CELF2: variants seen among roughly 807,000 people sequenced by gnomAD.
CELF2 encodes the protein CUG triplet repeat RNA-binding protein 2.
CELF2 carries 8 observed loss-of-function variants against 62.6 expected under a neutral mutation model. The ratio of observed to expected loss-of-function variants is 0.13; its 90% CI spans 0.07 to 0.23. CELF2 has a LOEUF of 0.23. Ranked by LOEUF, CELF2 falls within the 10% of genes least tolerant of loss-of-function variation. The pLI, the probability that CELF2 is intolerant of heterozygous loss-of-function variation, is 1.00. For missense variants in CELF2, 333 were observed against 671.0 expected (o/e 0.50, Z 5.56); for synonymous variants, 258 against 250.0 (o/e 1.03, Z -0.30).
the CELF2 span, among the ~76,000 whole-genome samples, chr10:10,650,621 A>G: frequency 6.6e-6 from 1 of 152,374 alleles, no homozygotes; most frequent in Non-Finnish European, 1.5e-5. Flanking sequence ...TAGCACTGCA[A>G]TGAGATACAA....
the CELF2 span, among the ~76,000 whole-genome samples, chr10:10,765,035 A>T: frequency 5.9e-5 from 9 of 152,282 alleles, no homozygotes; most frequent in Admixed American, 3.9e-4. Context: ...GAGCCAACAC[A>T]AGGGCAGGCT....
At chr10:10,573,169 A>G in the CELF2 span, among the ~76,000 whole-genome samples, 21 of 152,266 alleles carry the variant, frequency 1.4e-4, no homozygotes, top group East Asian at 4.0e-3. Flanking sequence ...GTGTAGGTTC[A>G]TGTCCTTTGC....
the CELF2 span, among the ~76,000 whole-genome samples, chr10:10,740,959 G>C: frequency 3.3e-5 from 5 of 152,096 alleles, no homozygotes; most frequent in African/African-American, 1.2e-4. Context: ...CTGGTCACAA[G>C]GTACAAATGT....
chr10:10,592,553 C>T, the CELF2 span, among the ~76,000 whole-genome samples: 1 of 152,128 alleles, frequency 6.6e-6, no homozygotes, highest in South Asian at 2.1e-4. Flanking sequence ...CTTCCTTTGA[C>T]TAAAAGTCAT....
chr10:11,275,248 C>T (rs2085583385), intron 8 of CELF2, 128 bp downstream of exon 8: 1 of 1,006,522 alleles, frequency 9.9e-7, no homozygotes. Flanking sequence ...AGCTTTCTGT[C>T]TTTGGTGTTA....
the CELF2 span, among the ~76,000 whole-genome samples, chr10:10,550,710 T>A: frequency 6.6e-6 from 1 of 152,030 alleles, no homozygotes; most frequent in African/African-American, 2.4e-5. Context: ...TCTTTTTTTT[T>A]TTTTTGAGAT....
At chr10:10,773,143 T>C in the CELF2 span, among the ~76,000 whole-genome samples, 9 of 152,144 alleles carry the variant, frequency 5.9e-5, no homozygotes, top group African/African-American at 2.2e-4. Context: ...AACACAAATA[T>C]GGTGTTGATT....
At chr10:11,229,051 T>A (rs184967842) in intron 3 of CELF2, among the ~76,000 whole-genome samples, 135 of 152,204 alleles carry the variant, frequency 8.9e-4, no homozygotes, top group African/African-American at 3.1e-3. Flanking sequence ...AGCTCCTCAC[T>A]TGATAGATGA....
At chr10:10,777,419 T>C in the CELF2 span, among the ~76,000 whole-genome samples, 1 of 152,212 alleles carries the variant, frequency 6.6e-6, no homozygotes, top group Non-Finnish European at 1.5e-5. Context: ...CAATCACATG[T>C]AACAAGCTGT....
At chr10:10,544,829 G>T in the CELF2 span, among the ~76,000 whole-genome samples, 1 of 152,168 alleles carries the variant, frequency 6.6e-6, no homozygotes, top group African/African-American at 2.4e-5. Flanking sequence ...GAACTGAATA[G>T]CCATCGAACA....
chr10:10,735,981 C>G, the CELF2 span, among the ~76,000 whole-genome samples: 2,474 of 152,270 alleles, frequency 0.016, 26 homozygotes, highest in Non-Finnish European at 0.024. Context: ...TCACCCTGCA[C>G]TAACTCGATG....
At chr10:11,168,579 G>A (rs1216885091) in intron 2 of CELF2, among the ~76,000 whole-genome samples, 1 of 152,226 alleles carries the variant, frequency 6.6e-6, no homozygotes, top group Non-Finnish European at 1.5e-5. Flanking sequence ...TCACAGGGCT[G>A]ATATCAGAGC....
At chr10:11,031,378 C>G (rs1285156748) in intron 1 of CELF2, among the ~76,000 whole-genome samples, 1 of 152,214 alleles carries the variant, frequency 6.6e-6, no homozygotes, top group Non-Finnish European at 1.5e-5. Flanking sequence ...ATTACACTTT[C>G]AGCCACTCCA....
At chr10:10,967,726 A>C (rs1592531539) in intron 2 of CELF2, among the ~76,000 whole-genome samples, 1 of 151,954 alleles carries the variant, frequency 6.6e-6, no homozygotes, top group African/African-American at 2.4e-5. Context: ...TCCCAGTGGG[A>C]AGCAAGACCT....
At chr10:11,065,535 C>T (rs923060326) in intron 1 of CELF2, among the ~76,000 whole-genome samples, 23 of 151,976 alleles carry the variant, frequency 1.5e-4, no homozygotes, top group African/African-American at 4.6e-4. Flanking sequence ...GAGCTCCAGT[C>T]GTTGTTTGTG....
At chr10:11,185,096 T>C (rs904129183) in intron 2 of CELF2, among the ~76,000 whole-genome samples, 1 of 152,242 alleles carries the variant, frequency 6.6e-6, no homozygotes, top group Admixed American at 6.5e-5. Context: ...ATTAGATTTT[T>C]TTTAATGTTT....
intron 1 of CELF2, among the ~76,000 whole-genome samples, chr10:10,881,336 C>T (rs941351150): frequency 2.0e-5 from 3 of 152,136 alleles, no homozygotes; most frequent in Admixed American, 6.6e-5. Context: ...CATCTGGCTG[C>T]GTACAGAATT....
At position 11,046,911 on chromosome 10, in the gene CELF2, A is replaced by G. The variant is rs911345999; in HGVS notation, c.74+28748A>G. Among the ~76,000 whole-genome samples the G allele has an allele frequency of 6.6e-6, 1 of 152,192 alleles. No homozygotes were observed. The highest frequency in any genetic ancestry group is 2.4e-5 in the African/African-American group (1 of 41,442). On this transcript the variant is annotated intron_variant, in intron 1 of 12. Transcript: ENST00000633077. This position sits in a 1 kb window ranked among gnomAD's most constrained non-coding sequence, Gnocchi z 4.6. ...AAGAAAATTTCCAGAGATGTGATAG[A>G]AAACAAATTGGGCTTGTAGAGGAAG...
intron 1 of CELF2, among the ~76,000 whole-genome samples, chr10:11,056,635 A>C (rs1336945660): frequency 1.3e-5 from 2 of 152,234 alleles, no homozygotes; most frequent in African/African-American, 4.8e-5. Context: ...GAGTAGAATG[A>C]AATGTTTACA....
Sources: allele counts gnomAD v4.1 joint callset (sites outside exome capture counted in the v4.1 genomes callset), GRCh38; gene constraint gnomAD v4.1.1; non-coding constraint Gnocchi (gnomAD v3.1); transcripts MANE v1.5; gene names NCBI Gene and HGNC (gene_info 2026-07-23, HGNC 2026-07-21).